FBXW7: variants seen among roughly 807,000 people sequenced by gnomAD.
FBXW7 encodes the protein F-box/WD repeat-containing protein 7.
FBXW7 carries 11 observed loss-of-function variants against 86.3 expected under a neutral mutation model. The ratio of observed to expected loss-of-function variants is 0.13; its 90% CI spans 0.08 to 0.21. The LOEUF (loss-of-function observed/expected upper bound fraction) is 0.21. FBXW7 is among the 10% of genes least tolerant of loss of function. FBXW7 has a pLI of 1.00. For synonymous variants in FBXW7, 313 were observed against 297.9 expected (o/e 1.05, Z -0.52); for missense variants, 488 against 847.4 (o/e 0.58, Z 5.27).
intron 5 of FBXW7, among the ~76,000 whole-genome samples, chr4:152,347,898 T>C (rs1560787702): frequency 6.6e-6 from 1 of 152,060 alleles, no homozygotes; most frequent in Admixed American, 6.6e-5. Context: ...CGTATTAAAC[T>C]TTCCTTTCTA....
chr4:152,531,831 T>C (rs1278435605), intron 2 of FBXW7, among the ~76,000 whole-genome samples: 1 of 151,794 alleles, frequency 6.6e-6, no homozygotes, highest in Non-Finnish European at 1.5e-5. Flanking sequence ...TTAAGTATAC[T>C]CTTCTGAACT....
intron 6 of FBXW7, among the ~76,000 whole-genome samples, chr4:152,345,411 T>G (rs950482178): frequency 2.0e-5 from 3 of 152,180 alleles, no homozygotes; most frequent in Non-Finnish European, 4.4e-5. Flanking sequence ...GCTTATAACA[T>G]TTTAATAACA....
intron 2 of FBXW7, among the ~76,000 whole-genome samples, chr4:152,528,419 G>C (rs189967206): frequency 6.6e-6 from 1 of 152,194 alleles, no homozygotes; most frequent in Non-Finnish European, 1.5e-5. Flanking sequence ...TGCATGGCAG[G>C]ATAATACAAG....
At chr4:152,489,321 A>G in intron 2 of FBXW7, 1 of 154,558 alleles carries the variant, frequency 6.5e-6, no homozygotes, top group Middle Eastern at 5.8e-4. Context: ...TGTTTTTTAG[A>G]AAAGTCACTC....
chr4:152,325,371 T>C (rs919212802), intron 12 of FBXW7: 2 of 152,220 alleles, frequency 1.3e-5, no homozygotes, highest in African/African-American at 4.8e-5. Flanking sequence ...ATTTTTACAT[T>C]AAAAATGTTG....
At position 152,535,616 on chromosome 4, in the gene FBXW7, G is replaced by C. The variant is rs977321240; in HGVS notation, c.-702C>G. ...GCGAGGGACCCGGCCGGCTCCGCTC[G>C]GCGCCGCCCCCGCTCCCGGCTCCCG... On this transcript the variant is annotated 5_prime_UTR_variant, in exon 1 of 14. Transcript: ENST00000281708. The C allele has an allele frequency of 5.0e-5, 20 of 396,922 alleles. No individual in the cohort carries two copies. The highest frequency in any genetic ancestry group is 8.0e-5 in the Non-Finnish European group (18 of 225,070). 24.6% of individuals were successfully genotyped at this position (396,922 alleles called of 1,614,324 possible).
At chr4:152,458,181 A>G (rs1742616191) in intron 2 of FBXW7, among the ~76,000 whole-genome samples, 1 of 151,828 alleles carries the variant, frequency 6.6e-6, no homozygotes, top group African/African-American at 2.4e-5. Flanking sequence ...CACCACGCGC[A>G]GCTAATTTTT....
intron 2 of FBXW7, among the ~76,000 whole-genome samples, chr4:152,517,628 C>T (rs1487329801): frequency 1.3e-5 from 2 of 152,172 alleles, no homozygotes; most frequent in African/African-American, 4.8e-5. Flanking sequence ...CTTCTCTATG[C>T]CAAATTTTCA....
chr4:152,338,012 T>A (rs2126587552), intron 6 of FBXW7, 76 bp from the exon 7 acceptor site: 1 of 1,439,928 alleles, frequency 6.9e-7, no homozygotes, highest in Non-Finnish European at 9.4e-7. Context: ...AAAACTCACA[T>A]CTACACACAA....
At chr4:152,367,749 T>C (rs1451863535) in intron 4 of FBXW7, among the ~76,000 whole-genome samples, 1 of 152,112 alleles carries the variant, frequency 6.6e-6, no homozygotes, top group Non-Finnish European at 1.5e-5. Flanking sequence ...TATTCTAATA[T>C]ACAGAAACTG....
chr4:152,455,840 T>C (rs536977004), intron 2 of FBXW7, among the ~76,000 whole-genome samples: 2 of 152,236 alleles, frequency 1.3e-5, no homozygotes, highest in South Asian at 2.1e-4. Flanking sequence ...TTTGCCTCCT[T>C]CTTACAAGGA....
rs1024480104 is a variant in FBXW7, at chr4:152,454,260, C to A, written c.-119-41731G>T. Among the ~76,000 whole-genome samples the A allele has an allele frequency of 2.4e-4, 31 of 131,468 alleles. No individual in the cohort carries two copies. In the East Asian group the frequency reaches 4.6e-3, roughly 20 times the overall value. The allele number at this position is 131,468 out of a possible 152,430, so 86.2% of individuals were successfully genotyped here. On this transcript the variant is annotated intron_variant, in intron 2 of 13. Coordinates refer to ENST00000281708, the MANE Select transcript of FBXW7 (RefSeq NM_001349798.2). ...GAGAGTAACTCTCTAAGCCCCCCCC[C>A]CCTTTTTTTTTTTTTTCCACGCCAA... is the stretch of plus-strand genomic sequence containing the variant.
At position 152,387,708 on chromosome 4, in the gene FBXW7, C is replaced by CTTTTTTTTTTTTT. The variant is rs34073737; in HGVS notation, c.501+23582_501+23594dup. Among the ~76,000 whole-genome samples the CTTTTTTTTTTTTT allele has an allele frequency of 8.0e-4, 90 of 112,792 alleles. 6 individuals are homozygous for CTTTTTTTTTTTTT. Among genetic ancestry groups the CTTTTTTTTTTTTT allele is most frequent in the African/African-American group, 2.9e-3 (81 of 28,174 alleles). The allele number at this position is 112,792 out of a possible 152,430, so 74.0% of individuals were successfully genotyped here. ...ATCAAAGAAAAAAAACATGGCATACCTTTTTTTTTTTTTTTTTTGAGACTG... is the reference window on the plus strand; with the variant it reads ...ATCAAAGAAAAAAAACATGGCATACCTTTTTTTTTTTTTTTTTTTTTTTTTTTTTTTGAGACTG... On this transcript the variant is annotated intron_variant, in intron 4 of 13. Coordinates refer to ENST00000281708, the MANE Select transcript of FBXW7 (RefSeq NM_001349798.2).
chr4:152,522,514 G>A (rs1194702687), intron 2 of FBXW7, among the ~76,000 whole-genome samples: 1 of 152,090 alleles, frequency 6.6e-6, no homozygotes, highest in Admixed American at 6.6e-5. Flanking sequence ...GAACTAAGCT[G>A]GGTTTCCCAA....
intron 4 of FBXW7, among the ~76,000 whole-genome samples, chr4:152,351,118 ATAGAGAGC>A (rs1731773243): frequency 1.3e-5 from 2 of 152,206 alleles, no homozygotes; most frequent in African/African-American, 4.8e-5. Flanking sequence ...CTCCAAAGTG[ATAGAGAGC>A]TATCCTCATG....
intron 4 of FBXW7, among the ~76,000 whole-genome samples, chr4:152,359,673 GA>G (rs1215185558): frequency 6.6e-6 from 1 of 151,942 alleles, no homozygotes; most frequent in Non-Finnish European, 1.5e-5. Context: ...TGAGGCAAGA[GA>G]ATCACTTGAA....
intron 2 of FBXW7, among the ~76,000 whole-genome samples, chr4:152,499,580 A>G (rs1243221738): frequency 6.6e-6 from 1 of 151,840 alleles, no homozygotes; most frequent in Non-Finnish European, 1.5e-5. Flanking sequence ...TATTGCACAC[A>G]GCTCCAATAT....
At chr4:152,459,936 G>A (rs1742788964) in intron 2 of FBXW7, among the ~76,000 whole-genome samples, 1 of 152,134 alleles carries the variant, frequency 6.6e-6, no homozygotes, top group African/African-American at 2.4e-5. Flanking sequence ...ATACAGAATA[G>A]CCAAATTCAT....
intron 2 of FBXW7, among the ~76,000 whole-genome samples, chr4:152,496,997 T>C (rs904652850): frequency 7.9e-5 from 12 of 152,268 alleles, no homozygotes; most frequent in African/African-American, 2.6e-4. Context: ...TGAACTCATG[T>C]AGTAAATCTG....
Sources: gnomAD v4.1 joint callset for allele counts (sites outside exome capture counted in the v4.1 genomes callset) on GRCh38, gnomAD v4.1.1 for gene constraint, MANE v1.5 for transcripts, NCBI Gene and HGNC (gene_info 2026-07-23, HGNC 2026-07-21) for gene names.